PIAS1: variants seen among roughly 807,000 people sequenced by gnomAD.
PIAS1 encodes protein inhibitor of activated STAT 1.
A neutral mutation model predicts 71.3 loss-of-function variants in PIAS1; 6 were observed. The observed-to-expected ratio is 0.08, with a 90% confidence interval of 0.05 to 0.17. PIAS1 has a LOEUF of 0.17. PIAS1 is among the 10% of genes least tolerant of loss of function. The pLI is 1.00. For missense variants in PIAS1, 555 were observed against 793.6 expected (o/e 0.70, Z 3.61); for synonymous variants, 303 against 292.9 (o/e 1.03, Z -0.35).
chr15:68,063,543 A>G (rs1191173350), intron 1 of PIAS1, among the ~76,000 whole-genome samples: 2 of 152,154 alleles, frequency 1.3e-5, no homozygotes, highest in African/African-American at 4.8e-5. Flanking sequence ...ATTTTTGGGT[A>G]TCTGCTGTGT....
At chr15:68,078,730 TAATG>T (rs1234339511) in intron 1 of PIAS1, among the ~76,000 whole-genome samples, 1 of 152,250 alleles carries the variant, frequency 6.6e-6, no homozygotes, top group Admixed American at 6.5e-5. Flanking sequence ...GTGAGAATAA[TAATG>T]CTCTGTCTTG....
chr15:68,137,012 T>A (rs189494515), intron 2 of PIAS1, among the ~76,000 whole-genome samples: 3 of 152,334 alleles, frequency 2.0e-5, no homozygotes, highest in Non-Finnish European at 2.9e-5. Context: ...ATCCATTCAT[T>A]AAATTAGCAG....
At chr15:68,146,492 G>A (rs537822503) in intron 5 of PIAS1, 74 bp from the exon 6 acceptor site, 4 of 1,151,418 alleles carry the variant, frequency 3.5e-6, no homozygotes, top group Non-Finnish European at 5.0e-6. Context: ...TTTGTAGGGG[G>A]TTTTTTCTTA....
intron 1 of PIAS1, among the ~76,000 whole-genome samples, chr15:68,057,052 A>G (rs998739444): frequency 1.3e-5 from 2 of 152,166 alleles, no homozygotes; most frequent in Non-Finnish European, 2.9e-5. Context: ...GATTGTATTC[A>G]TAATTATTTT....
intron 6 of PIAS1, among the ~76,000 whole-genome samples, chr15:68,152,620 A>G (rs1387471735): frequency 6.6e-6 from 1 of 152,196 alleles, no homozygotes; most frequent in African/African-American, 2.4e-5. Flanking sequence ...GGCCTTGTGC[A>G]AAGTTTAAAT....
intron 2 of PIAS1, among the ~76,000 whole-genome samples, chr15:68,135,127 G>A (rs1161012787): frequency 6.0e-5 from 3 of 49,658 alleles, no homozygotes; most frequent in East Asian, 5.1e-4. Context: ...CGGACGGGGC[G>A]GCTGGCCTGG....
Position 68,146,672 on chromosome 15 carries a change from T to C in PIAS1, c.800T>C (p.Val267Ala). 1 of 1,612,644 alleles carries C rather than the reference T, an allele frequency of 6.2e-7. No homozygotes were observed. Among genetic ancestry groups the C allele is most frequent in the Non-Finnish European group, 8.5e-7 (1 of 1,179,014 alleles). The change falls in exon 6 of 14, where the codon GTT becomes GCT. Residue 267 changes from valine to alanine, a missense_variant. This residue lies in a region of PIAS1 where 134 missense variants were observed against 203.4 expected (regional missense o/e 0.66). Transcript: ENST00000249636. ...RLSTTVPNTI[V>A]VSWTAEIGRN... ...TCCACAACAGTACCAAACACGATTGTTGTTTCTTGGACTGCAGAAATTGGA... is the reference window on the plus strand; with the variant it reads ...TCCACAACAGTACCAAACACGATTGCTGTTTCTTGGACTGCAGAAATTGGA...
intron 7 of PIAS1, among the ~76,000 whole-genome samples, chr15:68,163,934 A>G (rs759700049): frequency 6.6e-6 from 1 of 152,190 alleles, no homozygotes; most frequent in Non-Finnish European, 1.5e-5. Context: ...CTGTTATTGA[A>G]GTTTTCAGAG....
chr15:68,062,038 C>G (rs1379674526), intron 1 of PIAS1, among the ~76,000 whole-genome samples: 1 of 152,160 alleles, frequency 6.6e-6, no homozygotes, highest in African/African-American at 2.4e-5. Context: ...CTGTCAGAGA[C>G]TGGGGCCTGA....
chr15:68,065,969 C>T (rs2092019697), intron 1 of PIAS1, among the ~76,000 whole-genome samples: 1 of 120,328 alleles, frequency 8.3e-6, no homozygotes, highest in South Asian at 2.6e-4. Flanking sequence ...CTGTGTTGCC[C>T]AGGCTGCTCT....
chr15:68,110,314 G>A (rs1010098640), intron 2 of PIAS1, among the ~76,000 whole-genome samples: 2 of 152,116 alleles, frequency 1.3e-5, no homozygotes, highest in Non-Finnish European at 2.9e-5. Flanking sequence ...GATACTTACG[G>A]CTGGGTGCAG....
chr15:68,164,609 AATTG>A (rs1278481418), intron 7 of PIAS1, 118 bp from the exon 8 acceptor site: 61 of 509,140 alleles, frequency 1.2e-4, no homozygotes, highest in Admixed American at 8.9e-4. Context: ...CTTTCCATTC[AATTG>A]ATTGGGAAAT....
intron 11 of PIAS1, 72 bp downstream of exon 11, chr15:68,176,726 C>A: frequency 2.0e-6 from 2 of 1,013,930 alleles, no homozygotes; most frequent in Non-Finnish European, 2.8e-6. Flanking sequence ...TAAAGACTTG[C>A]CAAATAAAAT....
At chr15:68,055,810 G>T in intron 1 of PIAS1, 2 of 644,910 alleles carry the variant, frequency 3.1e-6, no homozygotes, top group Non-Finnish European at 5.6e-6. Flanking sequence ...ACAACCAAAT[G>T]CCAGATTTGA....
At chr15:68,110,260 A>G (rs915617916) in intron 2 of PIAS1, among the ~76,000 whole-genome samples, 2 of 152,290 alleles carry the variant, frequency 1.3e-5, no homozygotes, top group Non-Finnish European at 2.9e-5. Context: ...AATTTTTTAC[A>G]GGCCCCCAAA....
intron 8 of PIAS1, among the ~76,000 whole-genome samples, chr15:68,172,959 A>T (rs1567075811): frequency 1.3e-5 from 2 of 151,772 alleles, no homozygotes; most frequent in Non-Finnish European, 2.9e-5. Flanking sequence ...AGCAATGCAG[A>T]GTGTGTGCAC....
Position 68,185,911 on chromosome 15 carries a change from G to A in PIAS1, c.1663-1631G>A, listed in dbSNP as rs1440538570. On this transcript the variant is annotated intron_variant, in intron 13 of 13. Transcript: ENST00000249636. The surrounding 1 kb of genome is among the most constrained non-coding windows in gnomAD (Gnocchi z 4.4). ...TGGGAGGCGGAGGTTGCAGTGAGCC[G>A]AGATTGCGTGCACCACTCTACTCCA... Among the ~76,000 whole-genome samples, 1 of 151,930 alleles carries A rather than the reference G, an allele frequency of 6.6e-6. No homozygotes were observed. The highest frequency in any genetic ancestry group is 6.6e-5 in the Admixed American group (1 of 15,258).
intron 2 of PIAS1, among the ~76,000 whole-genome samples, chr15:68,089,531 C>G (rs2092315539): frequency 6.6e-6 from 1 of 152,148 alleles, no homozygotes; most frequent in African/African-American, 2.4e-5. Flanking sequence ...TTCACTTTCC[C>G]TGCATGCTCT....
Position 68,054,427 on chromosome 15 carries a change from A to G in PIAS1, c.24+77A>G, listed in dbSNP as rs571680221. The stretch of plus-strand genomic sequence containing the variant: ...GCTGCTGCCAGGGGGGATGGGTCCG[A>G]CCCTGGGGGGCCTCTCGGGCCTGAC... On this transcript the variant is annotated intron_variant, in intron 1 of 13. Transcript: ENST00000249636. This position sits in a 1 kb window ranked among gnomAD's most constrained non-coding sequence, Gnocchi z 4.6. 2.1e-5 allele frequency: 30 copies of G among 1,451,890 alleles called. No individual in the cohort carries two copies. In the East Asian group the frequency reaches 7.0e-4, roughly 34 times the overall value. The allele number at this position is 1,451,890 out of a possible 1,614,324, so 89.9% of individuals were successfully genotyped here.
Sources: allele counts gnomAD v4.1 joint callset (sites outside exome capture counted in the v4.1 genomes callset), GRCh38; gene constraint gnomAD v4.1.1; regional missense constraint gnomAD v4.1.1; non-coding constraint Gnocchi (gnomAD v3.1); transcripts MANE v1.5; gene names NCBI Gene and HGNC (gene_info 2026-07-23, HGNC 2026-07-21).